Variants in CSMD1 observed in about 807,000 individuals in gnomAD.
CSMD1 encodes the protein CUB and Sushi multiple domains 1.
Under a neutral mutation model 417.5 loss-of-function variants are expected in CSMD1, and 213 were observed. The ratio of observed to expected loss-of-function variants is 0.51; its 90% CI spans 0.46 to 0.57. The LOEUF is 0.57. CSMD1 is among the 20% of genes least tolerant of loss of function. CSMD1 has a pLI of 0.00. For missense variants in CSMD1, 6,923 were observed against 4,529.7 expected (o/e 1.53, Z -15.17); for synonymous variants, 2,862 against 1,736.8 (o/e 1.65, Z -16.11).
intron 1 of CSMD1, among the ~76,000 whole-genome samples, chr8:4,955,752 G>C (rs755397110): frequency 8.6e-6 from 1 of 116,744 alleles, no homozygotes; most frequent in African/African-American, 2.9e-5. Context: ...CACCACGCCC[G>C]GGCCCTCTCT....
At chr8:4,416,192 G>C (rs553553728) in intron 3 of CSMD1, among the ~76,000 whole-genome samples, 1 of 152,142 alleles carries the variant, frequency 6.6e-6, no homozygotes, top group Non-Finnish European at 1.5e-5. Flanking sequence ...CGGAGTCACT[G>C]TTTTGATTCA....
chr8:4,813,620 A>G (rs1188966882), intron 1 of CSMD1, among the ~76,000 whole-genome samples: 1 of 152,224 alleles, frequency 6.6e-6, no homozygotes, highest in Non-Finnish European at 1.5e-5. Context: ...CCATGTTTCT[A>G]AAAGGGTCTC....
chr8:3,241,354 G>A (rs1799505336), intron 26 of CSMD1, among the ~76,000 whole-genome samples: 1 of 151,916 alleles, frequency 6.6e-6, no homozygotes, highest in African/African-American at 2.4e-5. Context: ...AGAAGGTAAT[G>A]TGGAGTGGGT....
intron 41 of CSMD1, chr8:3,128,386 A>G (rs545563754): frequency 6.5e-6 from 1 of 153,680 alleles, no homozygotes; most frequent in East Asian, 1.9e-4. Context: ...ACTTCAAGAC[A>G]GCTACGTCTA....
At chr8:4,684,726 G>A (rs1319804409) in intron 1 of CSMD1, among the ~76,000 whole-genome samples, 1 of 152,106 alleles carries the variant, frequency 6.6e-6, no homozygotes, top group Non-Finnish European at 1.5e-5. Context: ...AAGGATAGCT[G>A]TAAAAATATT....
intron 3 of CSMD1, among the ~76,000 whole-genome samples, chr8:4,123,589 G>A (rs536497068): frequency 7.2e-5 from 11 of 152,092 alleles, no homozygotes; most frequent in Middle Eastern, 3.4e-3. Flanking sequence ...TAATTTCTAT[G>A]GTTTTTATCA....
At chr8:3,490,332 T>C (rs1030744448) in intron 11 of CSMD1, among the ~76,000 whole-genome samples, 2 of 152,206 alleles carry the variant, frequency 1.3e-5, no homozygotes, top group Admixed American at 6.5e-5. Flanking sequence ...TAATACATAG[T>C]TTGCAATTGC....
chr8:3,130,335 G>A (rs1320033952), intron 41 of CSMD1, among the ~76,000 whole-genome samples: 2 of 152,052 alleles, frequency 1.3e-5, no homozygotes, highest in Non-Finnish European at 2.9e-5. Context: ...TGTACGTCGT[G>A]CATACAGCCA....
At chr8:3,138,401 T>A (rs1177574254) in intron 41 of CSMD1, among the ~76,000 whole-genome samples, 1 of 152,172 alleles carries the variant, frequency 6.6e-6, no homozygotes, top group Non-Finnish European at 1.5e-5. Flanking sequence ...CCAAGTGACA[T>A]TCACTCCAAT....
chr8:3,297,758 G>C (rs1207776930), intron 25 of CSMD1, among the ~76,000 whole-genome samples: 1 of 151,980 alleles, frequency 6.6e-6, no homozygotes, highest in African/African-American at 2.4e-5. Flanking sequence ...CTAGCAATCT[G>C]GACACAAAAT....
At chr8:4,239,457 G>C (rs17069688) in intron 3 of CSMD1, among the ~76,000 whole-genome samples, 10,654 of 152,210 alleles carry the variant, frequency 0.07, 532 homozygotes, top group East Asian at 0.16. Context: ...GGAGCCATCA[G>C]TGCAAGGAGA....
At chr8:3,454,116 C>A (rs6986675) in intron 12 of CSMD1, among the ~76,000 whole-genome samples, 3,130 of 152,194 alleles carry the variant, frequency 0.021, 122 homozygotes, top group African/African-American at 0.071. Context: ...TCTGTTTTAT[C>A]AGAGACTAGG....
In CSMD1 at chr8:3,388,787, G is replaced by A. The variant is rs776969528; in HGVS notation, c.2594-1105C>T. Among the ~76,000 whole-genome samples the A allele has an allele frequency of 2.0e-5, 3 of 152,240 alleles. No individual in the cohort carries two copies. In the South Asian group the frequency reaches 6.2e-4, roughly 32 times the overall value. On this transcript the variant is annotated intron_variant, in intron 17 of 69. Coordinates refer to ENST00000635120, the MANE Select transcript of CSMD1 (RefSeq NM_033225.6). ...GCAGGAAAGCCTCCTTCCAACTCTG[G>A]AGGAGCTTTCAATCTGCCAGAGGCA... is the stretch of plus-strand genomic sequence containing the variant.
At chr8:4,580,053 G>A (rs547192103) in intron 2 of CSMD1, among the ~76,000 whole-genome samples, 4 of 152,292 alleles carry the variant, frequency 2.6e-5, no homozygotes, top group Non-Finnish European at 5.9e-5. Flanking sequence ...ACCTACATGA[G>A]TGTGTTTCTC....
At chr8:3,374,831 C>T (rs890985794) in intron 18 of CSMD1, among the ~76,000 whole-genome samples, 2 of 152,136 alleles carry the variant, frequency 1.3e-5, no homozygotes, top group Admixed American at 6.6e-5. Context: ...TCCCACCACC[C>T]GCACCACCCC....
intron 3 of CSMD1, among the ~76,000 whole-genome samples, chr8:4,136,916 T>C (rs1803476799): frequency 6.6e-6 from 1 of 152,256 alleles, no homozygotes; most frequent in Non-Finnish European, 1.5e-5. Context: ...ACAGCCACTC[T>C]TTCTCCCAAG....
intron 7 of CSMD1, among the ~76,000 whole-genome samples, chr8:3,671,460 T>C (rs1252233026): frequency 1.4e-5 from 2 of 140,770 alleles, no homozygotes; most frequent in Non-Finnish European, 3.0e-5. Context: ...TATATAATCA[T>C]ACACATATAA....
At chr8:4,558,701 T>C (rs959249181) in intron 2 of CSMD1, among the ~76,000 whole-genome samples, 3 of 151,982 alleles carry the variant, frequency 2.0e-5, no homozygotes, top group Admixed American at 1.3e-4. Flanking sequence ...ACTCCGCCTC[T>C]ACTAAAAATA....
chr8:4,168,178 T>C lies in CSMD1; in HGVS notation c.416-136079A>G, dbSNP rs62501131. Among the ~76,000 whole-genome samples the C allele has an allele frequency of 9.2e-3, 1,266 of 137,200 alleles. 27 individuals carry two copies. The highest frequency in any genetic ancestry group is 0.033 in the African/African-American group (1,212 of 37,020). 90.0% of individuals were successfully genotyped at this position (137,200 alleles called of 152,430 possible). On this transcript the variant is annotated intron_variant, in intron 3 of 69. Transcript: ENST00000635120. ...ACACACACACACACACACACACACA[T>C]ACACACACACGTATGTATGTATATA...
Sources: gnomAD v4.1 joint callset for allele counts (sites outside exome capture counted in the v4.1 genomes callset) on GRCh38, gnomAD v4.1.1 for gene constraint, MANE v1.5 for transcripts, NCBI Gene and HGNC (gene_info 2026-07-23, HGNC 2026-07-21) for gene names.